The following ARHGAP15 variants were observed in gnomAD, a reference collection of about 807,000 sequenced individuals.
The protein encoded by ARHGAP15 is Rho GTPase activating protein 15.
ARHGAP15 carries 51 observed loss-of-function variants against 63.7 expected under a neutral mutation model. That is an observed-to-expected ratio of 0.80 (90% CI 0.64 to 1.01). The LOEUF (loss-of-function observed/expected upper bound fraction) is 1.01. Among genes scored for constraint, ARHGAP15 ranks in the 50% least tolerant of loss-of-function variants. ARHGAP15 has a pLI of 0.00. For missense variants in ARHGAP15, 560 were observed against 564.6 expected, an observed-to-expected ratio of 0.99 and a Z score of 0.08; for synonymous variants, 191 against 193.8, an observed-to-expected ratio of 0.99 and a Z score of 0.12.
intron 4 of ARHGAP15, among the ~76,000 whole-genome samples, chr2:143,217,730 C>T (rs1157185850): frequency 6.6e-6 from 1 of 152,058 alleles, no homozygotes; most frequent in Non-Finnish European, 1.5e-5. Flanking sequence ...GTGGAGGGTA[C>T]AATGATGCCT....
intron 6 of ARHGAP15, among the ~76,000 whole-genome samples, chr2:143,298,842 C>T (rs77729338): frequency 0.011 from 1,716 of 151,906 alleles, 16 homozygotes; most frequent in Non-Finnish European, 0.018. Context: ...AGACACTGTG[C>T]TAGTTGTTTT....
chr2:143,173,139 C>G (rs1234636258), intron 2 of ARHGAP15, among the ~76,000 whole-genome samples: 1 of 151,894 alleles, frequency 6.6e-6, no homozygotes, highest in Non-Finnish European at 1.5e-5. Context: ...GACAAAAATA[C>G]TTCAAAGGAA....
intron 9 of ARHGAP15, among the ~76,000 whole-genome samples, chr2:143,506,524 G>T (rs1001080550): frequency 3.9e-5 from 6 of 152,134 alleles, no homozygotes; most frequent in Non-Finnish European, 8.8e-5. Flanking sequence ...AGTATGTAAA[G>T]AACATACAAA....
intron 12 of ARHGAP15, among the ~76,000 whole-genome samples, chr2:143,700,013 C>T (rs928875160): frequency 1.3e-5 from 2 of 152,142 alleles, no homozygotes; most frequent in African/African-American, 4.8e-5. Flanking sequence ...CATTAGTTCA[C>T]TCACTAATTC....
At chr2:143,167,348 A>G (rs1181875045) in intron 2 of ARHGAP15, among the ~76,000 whole-genome samples, 1 of 152,158 alleles carries the variant, frequency 6.6e-6, no homozygotes, top group African/African-American at 2.4e-5. Flanking sequence ...CGTGCACCCC[A>G]TCAAAGCAAA....
chr2:143,630,347 G>A (rs1223000808), intron 12 of ARHGAP15, among the ~76,000 whole-genome samples: 2 of 151,984 alleles, frequency 1.3e-5, no homozygotes, highest in Non-Finnish European at 2.9e-5. Context: ...TATTTCATAT[G>A]AGTATTTTAA....
At chr2:143,196,341 T>A (rs912204595) in intron 2 of ARHGAP15, among the ~76,000 whole-genome samples, 2 of 152,048 alleles carry the variant, frequency 1.3e-5, no homozygotes, top group African/African-American at 4.8e-5. Flanking sequence ...AAATCATTCC[T>A]ATTTGCAGGA....
At chr2:143,623,035 G>A (rs1698700225) in intron 11 of ARHGAP15, among the ~76,000 whole-genome samples, 1 of 152,176 alleles carries the variant, frequency 6.6e-6, no homozygotes, top group Non-Finnish European at 1.5e-5. Context: ...GCGCTTGCCA[G>A]TATTCTCAGC....
intron 8 of ARHGAP15, among the ~76,000 whole-genome samples, chr2:143,485,585 A>G (rs145444999): frequency 6.6e-6 from 1 of 152,240 alleles, no homozygotes; most frequent in Non-Finnish European, 1.5e-5. Flanking sequence ...TAAGGCAATG[A>G]TCATCAACAG....
intron 12 of ARHGAP15, among the ~76,000 whole-genome samples, chr2:143,637,063 C>T (rs1273372937): frequency 6.6e-6 from 1 of 151,770 alleles, no homozygotes; most frequent in African/African-American, 2.4e-5. Context: ...ACTAATCCTA[C>T]CAGGAGAGCC....
intron 6 of ARHGAP15, among the ~76,000 whole-genome samples, chr2:143,315,607 G>A (rs1683666542): frequency 6.6e-6 from 1 of 152,058 alleles, no homozygotes; most frequent in South Asian, 2.1e-4. Context: ...TGCTATCATT[G>A]CATAGTTTCT....
chr2:143,638,654 TAAAA>T (rs763396991), intron 12 of ARHGAP15, among the ~76,000 whole-genome samples: 1 of 61,932 alleles, frequency 1.6e-5, no homozygotes, highest in African/African-American at 5.6e-5. Context: ...AGTATAATAA[TAAAA>T]AATAAATAAA....
chr2:143,752,613 G>A (rs1686423261), intron 13 of ARHGAP15, among the ~76,000 whole-genome samples: 1 of 152,136 alleles, frequency 6.6e-6, no homozygotes, highest in African/African-American at 2.4e-5. Flanking sequence ...ATAATCATGG[G>A]TTCAGTTCTC....
intron 11 of ARHGAP15, among the ~76,000 whole-genome samples, chr2:143,561,509 CTTTTTCTTTTTTTT>C (rs1673536696): frequency 7.5e-6 from 1 of 134,092 alleles, no homozygotes; most frequent in Admixed American, 8.4e-5. Context: ...TTTCTTTTTT[CTTTTTCTTTTTTTT>C]TTTTTTGAGA....
intron 1 of ARHGAP15, among the ~76,000 whole-genome samples, chr2:143,137,529 G>A (rs1262890458): frequency 1.3e-5 from 2 of 151,992 alleles, no homozygotes; most frequent in Admixed American, 6.6e-5. Flanking sequence ...GTGATGAAAG[G>A]TTGGGTTTGA....
chr2:143,380,709 TG>T (rs1048780392), intron 6 of ARHGAP15, among the ~76,000 whole-genome samples: 3 of 152,134 alleles, frequency 2.0e-5, no homozygotes, highest in Admixed American at 6.6e-5. Flanking sequence ...TTAAAGTAAA[TG>T]ATCTCCAGGA....
chr2:143,349,305 A>C (rs1319519817), intron 6 of ARHGAP15, among the ~76,000 whole-genome samples: 1 of 152,186 alleles, frequency 6.6e-6, no homozygotes, highest in African/African-American at 2.4e-5. Flanking sequence ...TCAATTCATC[A>C]AAGTCTATTT....
Position 143,639,444 on chromosome 2 carries a change from C to G in ARHGAP15, c.1138+15177C>G, listed in dbSNP as rs746913795. Among the ~76,000 whole-genome samples the G allele has an allele frequency of 2.6e-4, 39 of 152,168 alleles. No individual in the cohort carries two copies. In the Middle Eastern group the frequency reaches 0.01, roughly 40 times the overall value. The stretch of plus-strand genomic sequence containing the variant: ...ACCAGTGAAATTCAAACACACCTAG[C>G]AGATGGAGAAGGCTAAAGGATATGT... On this transcript the variant is annotated intron_variant, in intron 12 of 13. Transcript: ENST00000295095.
At chr2:143,297,188 G>A (rs146709396) in intron 6 of ARHGAP15, among the ~76,000 whole-genome samples, 2 of 151,990 alleles carry the variant, frequency 1.3e-5, no homozygotes, top group African/African-American at 4.8e-5. Context: ...AGCAAGAGAG[G>A]GGATTTAAGC....
Sources: gnomAD v4.1 joint callset for allele counts (sites outside exome capture counted in the v4.1 genomes callset) on GRCh38, gnomAD v4.1.1 for gene constraint, MANE v1.5 for transcripts, NCBI Gene and HGNC (gene_info 2026-07-23, HGNC 2026-07-21) for gene names.